The following TEX36 variants were observed in gnomAD, a reference collection of about 807,000 sequenced individuals.
TEX36 encodes testis expressed 36, also known as testis-expressed protein 36.
TEX36 carries 12 observed loss-of-function variants against 13.6 expected under a neutral mutation model. The ratio of observed to expected loss-of-function variants is 0.88; its 90% CI spans 0.56 to 1.43. TEX36 has a LOEUF of 1.43. TEX36 is among the 40% of genes most tolerant of loss of function. TEX36 has a pLI of 0.00. For synonymous variants in TEX36, 93 were observed against 83.0 expected (o/e 1.12, Z -0.65); for missense variants, 224 against 228.3 (o/e 0.98, Z 0.12).
downstream of TEX36, among the ~76,000 whole-genome samples, chr10:125,620,220 A>G (rs114230307): frequency 0.021 from 3,210 of 152,242 alleles, 121 homozygotes; most frequent in African/African-American, 0.073. Context: ...ATGTACAAGC[A>G]CTGTCTGAAG....
At chr10:125,663,085 G>A (rs1387358133) in intron 1 of TEX36, among the ~76,000 whole-genome samples, 6 of 152,204 alleles carry the variant, frequency 3.9e-5, no homozygotes, top group African/African-American at 1.4e-4. Flanking sequence ...GAGGTCCTGA[G>A]TCCACCCCAG....
At chr10:125,682,429 G>C (rs901830015) in intron 1 of TEX36, among the ~76,000 whole-genome samples, 3 of 152,194 alleles carry the variant, frequency 2.0e-5, no homozygotes, top group Admixed American at 6.5e-5. Context: ...GGGGCTAAAG[G>C]AATTGGATTG....
At chr10:125,603,661 T>C (rs1292391458) in intron 3 of TEX36, among the ~76,000 whole-genome samples, 1 of 152,198 alleles carries the variant, frequency 6.6e-6, no homozygotes, top group Non-Finnish European at 1.5e-5. Context: ...TGGCAGGGCA[T>C]GCAGCCACCT....
intron 3 of TEX36, among the ~76,000 whole-genome samples, chr10:125,649,610 A>T (rs1017525038): frequency 2.0e-5 from 3 of 152,014 alleles, no homozygotes; most frequent in Non-Finnish European, 4.4e-5. Flanking sequence ...GCAAACATCA[A>T]ACATCATAAT....
chr10:125,629,402 G>T (rs1589762266), intron 3 of TEX36, among the ~76,000 whole-genome samples: 2 of 152,290 alleles, frequency 1.3e-5, no homozygotes, highest in Middle Eastern at 3.4e-3. Flanking sequence ...CAGAATGCAT[G>T]GGGGGAGGTT....
intron 3 of TEX36, among the ~76,000 whole-genome samples, chr10:125,647,623 T>C (rs1044150772): frequency 6.6e-6 from 1 of 152,174 alleles, no homozygotes. Flanking sequence ...GATGGGTGAT[T>C]TCTACATTTC....
At chr10:125,619,213 G>A (rs955598194), downstream of TEX36, among the ~76,000 whole-genome samples, 2 of 152,048 alleles carry the variant, frequency 1.3e-5, no homozygotes, top group South Asian at 2.1e-4. Context: ...AAGACAGATC[G>A]TGGAGAAAAT....
chr10:125,606,415 A>G (rs1386671245), intron 3 of TEX36, among the ~76,000 whole-genome samples: 1 of 152,248 alleles, frequency 6.6e-6, no homozygotes, highest in Non-Finnish European at 1.5e-5. Context: ...AGTCATGTAC[A>G]CCATTTTACT....
intron 3 of TEX36, among the ~76,000 whole-genome samples, chr10:125,648,477 A>G (rs1293058180): frequency 6.6e-6 from 1 of 152,232 alleles, no homozygotes; most frequent in Admixed American, 6.5e-5. Flanking sequence ...AACAGAAAGG[A>G]CATCCACAAC....
chr10:125,668,854 T>A (rs1229336171), intron 1 of TEX36, among the ~76,000 whole-genome samples: 3 of 152,230 alleles, frequency 2.0e-5, no homozygotes, highest in Non-Finnish European at 4.4e-5. Flanking sequence ...TAGGTATTTA[T>A]TGCTATAAAT....
chr10:125,600,042 G>C (rs1014334810), intron 3 of TEX36, among the ~76,000 whole-genome samples: 3 of 152,164 alleles, frequency 2.0e-5, no homozygotes, highest in African/African-American at 7.2e-5. Context: ...AACGTCTCTA[G>C]CCCAGTTCAG....
At chr10:125,661,181 G>A (rs1169439338) in intron 2 of TEX36, 80 bp from the exon 3 acceptor site, 1 of 1,196,848 alleles carries the variant, frequency 8.4e-7, no homozygotes, top group Non-Finnish European at 1.2e-6. Context: ...TGATGTGGAA[G>A]GAAGATGGAT....
intron 1 of TEX36, among the ~76,000 whole-genome samples, chr10:125,676,134 G>T (rs1045144258): frequency 1.3e-5 from 2 of 152,150 alleles, no homozygotes; most frequent in South Asian, 2.1e-4. Context: ...GGGTCCATTT[G>T]GCCTAAAGTT....
chr10:125,614,719 G>T (rs1293822986), intron 3 of TEX36, among the ~76,000 whole-genome samples: 4 of 152,158 alleles, frequency 2.6e-5, no homozygotes, highest in African/African-American at 9.7e-5. Context: ...GTAGTGTGAT[G>T]CCTCCAGCTT....
At chr10:125,608,804 C>G (rs562510382) in intron 3 of TEX36, among the ~76,000 whole-genome samples, 1 of 151,690 alleles carries the variant, frequency 6.6e-6, no homozygotes, top group African/African-American at 2.4e-5. Flanking sequence ...AGGATATTAA[C>G]GGTATGTTAG....
At chr10:125,633,602 G>C (rs550614451) in intron 3 of TEX36, among the ~76,000 whole-genome samples, 2 of 152,064 alleles carry the variant, frequency 1.3e-5, no homozygotes, top group Non-Finnish European at 2.9e-5. Flanking sequence ...ATAAGCAGAC[G>C]GCTTTTTAGT....
chr10:125,582,785 A>T (rs975143364), intron 3 of TEX36, among the ~76,000 whole-genome samples: 1 of 152,304 alleles, frequency 6.6e-6, no homozygotes, highest in East Asian at 1.9e-4. Flanking sequence ...TGGTTTTTTT[A>T]AAAAAGCAAT....
At chr10:125,600,806 T>G (rs1164766885) in intron 3 of TEX36, among the ~76,000 whole-genome samples, 1 of 152,202 alleles carries the variant, frequency 6.6e-6, no homozygotes, top group Non-Finnish European at 1.5e-5. Flanking sequence ...CATTAGTGTT[T>G]CAAGGGTACA....
chr10:125,679,313 C>T (rs541616262), intron 1 of TEX36, among the ~76,000 whole-genome samples: 2 of 152,192 alleles, frequency 1.3e-5, no homozygotes, highest in East Asian at 3.9e-4. Flanking sequence ...CTCCTCAGTC[C>T]CAGTAGCAAC....
Sources: gnomAD v4.1 joint callset for allele counts (sites outside exome capture counted in the v4.1 genomes callset) on GRCh38, gnomAD v4.1.1 for gene constraint, MANE v1.5 for transcripts, NCBI Gene and HGNC (gene_info 2026-07-23, HGNC 2026-07-21) for gene names.